Variants in DLC1 observed in about 807,000 individuals in gnomAD.
DLC1 encodes DLC1 Rho GTPase activating protein, also known as rho GTPase-activating protein 7.
A neutral mutation model predicts 140.3 loss-of-function variants in DLC1; 54 were observed. The observed-to-expected ratio is 0.38, with a 90% CI of 0.31 to 0.48. DLC1 has a LOEUF of 0.48. Ranked by LOEUF, DLC1 falls within the 20% of genes least tolerant of loss-of-function variation. The pLI, the probability that DLC1 is intolerant of heterozygous loss-of-function variation, is 0.96. For missense variants in DLC1, 2,536 were observed against 1,907.0 expected (o/e 1.33, Z -6.14); for synonymous variants, 986 against 728.1 (o/e 1.35, Z -5.70).
chr8:13,589,146 G>A (rs1463394311), intron 1 of DLC1, among the ~76,000 whole-genome samples: 1 of 152,018 alleles, frequency 6.6e-6, no homozygotes, highest in Non-Finnish European at 1.5e-5. Context: ...TTCTTCATTA[G>A]GCTATCCTTC....
chr8:13,569,611 G>A (rs1249208317), intron 1 of DLC1, among the ~76,000 whole-genome samples: 2 of 152,050 alleles, frequency 1.3e-5, no homozygotes, highest in African/African-American at 4.8e-5. Flanking sequence ...GTCATCTTTT[G>A]TTCTTCCTTT....
intron 4 of DLC1, among the ~76,000 whole-genome samples, chr8:13,366,739 A>G (rs1208735778): frequency 1.3e-5 from 2 of 152,112 alleles, no homozygotes; most frequent in South Asian, 2.1e-4. Flanking sequence ...TGAAGGCTCT[A>G]TGCTCATCCT....
intron 4 of DLC1, among the ~76,000 whole-genome samples, chr8:13,306,583 TGAGA>T (rs58220489): frequency 0.12 from 13,962 of 120,320 alleles, 728 homozygotes; most frequent in South Asian, 0.16. Flanking sequence ...TGTGTGTGTG[TGAGA>T]GAGAGAGAGA....
chr8:13,345,501 G>A (rs1834286807), intron 4 of DLC1, among the ~76,000 whole-genome samples: 3 of 146,648 alleles, frequency 2.0e-5, no homozygotes, highest in Non-Finnish European at 4.5e-5. Context: ...AAGAGATACT[G>A]AGCATATGTG....
At chr8:13,271,869 G>T (rs771451385) in intron 5 of DLC1, among the ~76,000 whole-genome samples, 1 of 152,150 alleles carries the variant, frequency 6.6e-6, no homozygotes, top group African/African-American at 2.4e-5. Flanking sequence ...GAGAGACAAG[G>T]TCTTGCTCTG....
chr8:13,090,060 A>C (rs763295552), intron 15 of DLC1, among the ~76,000 whole-genome samples, 192 bp downstream of exon 15: 4 of 152,232 alleles, frequency 2.6e-5, no homozygotes, highest in Non-Finnish European at 4.4e-5. Flanking sequence ...TTACACAGGA[A>C]GAAAATTACT....
chr8:13,266,891 G>A (rs572586893), intron 5 of DLC1, among the ~76,000 whole-genome samples: 1 of 152,304 alleles, frequency 6.6e-6, no homozygotes, highest in South Asian at 2.1e-4. Flanking sequence ...TGTGCTTTGG[G>A]TTTGGCTTCA....
At chr8:13,490,931 G>A (rs1035946365) in intron 2 of DLC1, among the ~76,000 whole-genome samples, 1 of 149,482 alleles carries the variant, frequency 6.7e-6, no homozygotes, top group Non-Finnish European at 1.5e-5. Flanking sequence ...ATAATATCTG[G>A]AACAAGGAAC....
At chr8:13,385,109 G>A (rs1421170423) in intron 4 of DLC1, among the ~76,000 whole-genome samples, 1 of 152,134 alleles carries the variant, frequency 6.6e-6, no homozygotes, top group African/African-American at 2.4e-5. Flanking sequence ...TAGAGTGCAT[G>A]GTGGGAGCGG....
intron 2 of DLC1, among the ~76,000 whole-genome samples, chr8:13,447,216 G>A (rs1481698222): frequency 3.9e-5 from 6 of 152,126 alleles, no homozygotes; most frequent in East Asian, 1.9e-4. Flanking sequence ...GTTACAAAAT[G>A]TTTACCTTGG....
intron 3 of DLC1, among the ~76,000 whole-genome samples, chr8:13,398,011 A>G (rs991551436): frequency 1.4e-5 from 2 of 144,680 alleles, no homozygotes; most frequent in Non-Finnish European, 3.0e-5. Flanking sequence ...CATGCTTTTA[A>G]TCACAGCTAC....
chr8:13,457,066 T>C (rs78689384), intron 2 of DLC1, among the ~76,000 whole-genome samples: 1,821 of 152,320 alleles, frequency 0.012, 10 homozygotes, highest in South Asian at 0.023. Context: ...TTGTTTTTGA[T>C]TCAATTCTAT....
At chr8:13,171,118 C>G (rs1174822037) in intron 5 of DLC1, among the ~76,000 whole-genome samples, 1 of 151,772 alleles carries the variant, frequency 6.6e-6, no homozygotes, top group Non-Finnish European at 1.5e-5. Context: ...TCTTAAAGTG[C>G]AGGAGAAAAA....
intron 2 of DLC1, among the ~76,000 whole-genome samples, chr8:13,402,713 C>T (rs1837352961): frequency 1.3e-5 from 2 of 152,156 alleles, no homozygotes; most frequent in Admixed American, 6.6e-5. Flanking sequence ...TGAGGGTTCA[C>T]TTTGGTGATG....
At chr8:13,535,677 AAAAAAAAG>A (rs1237368127) in intron 1 of DLC1, among the ~76,000 whole-genome samples, 1 of 149,116 alleles carries the variant, frequency 6.7e-6, no homozygotes, top group African/African-American at 2.5e-5. Flanking sequence ...ATTAAAAAAA[AAAAAAAAG>A]AAAAGAAAAC....
intron 4 of DLC1, among the ~76,000 whole-genome samples, chr8:13,316,037 C>T (rs577600990): frequency 1.1e-4 from 16 of 152,206 alleles, no homozygotes; most frequent in Admixed American, 7.9e-4. Context: ...TGACCCCTTT[C>T]GGATGTAATC....
At chr8:13,250,168 A>C (rs1237406218) in intron 5 of DLC1, among the ~76,000 whole-genome samples, 1 of 152,226 alleles carries the variant, frequency 6.6e-6, no homozygotes, top group Non-Finnish European at 1.5e-5. Context: ...AAATATTTCC[A>C]TATAAACTTC....
At chr8:13,562,501 A>G (rs542848610) in intron 1 of DLC1, among the ~76,000 whole-genome samples, 5 of 152,332 alleles carry the variant, frequency 3.3e-5, no homozygotes, top group Admixed American at 6.5e-5. Flanking sequence ...GAAGAATTCA[A>G]TTTAAAATTA....
chr8:13,131,676 T>C (rs1216729987), intron 5 of DLC1, among the ~76,000 whole-genome samples: 3 of 152,196 alleles, frequency 2.0e-5, no homozygotes, highest in African/African-American at 4.8e-5. Flanking sequence ...ACAGGCAACC[T>C]GCTAATCACT....
Sources: gnomAD v4.1 joint callset for allele counts (sites outside exome capture counted in the v4.1 genomes callset) on GRCh38, gnomAD v4.1.1 for gene constraint, MANE v1.5 for transcripts, NCBI Gene and HGNC (gene_info 2026-07-23, HGNC 2026-07-21) for gene names.